The following POFUT4 variants were observed in gnomAD, a reference collection of about 807,000 sequenced individuals.
The protein encoded by POFUT4 is protein O-fucosyltransferase 4.
At chr10:73,772,485 C>A in the POFUT4 span, 1 of 1,549,588 alleles carries the variant, frequency 6.5e-7, no homozygotes, top group Non-Finnish European at 8.7e-7. Context: ...CGGCCGCCCT[C>A]GGCGCTGGGC....
At chr10:73,773,554 GCAT>G in the POFUT4 span, 1 of 1,614,252 alleles carries the variant, frequency 6.2e-7, no homozygotes, top group African/African-American at 1.3e-5. Context: ...CAACCTGGGG[GCAT>G]CACCAACCAA....
At chr10:73,775,742 G>A in the POFUT4 span, 2 of 1,569,324 alleles carry the variant, frequency 1.3e-6, no homozygotes, top group Non-Finnish European at 1.7e-6. Flanking sequence ...TTCTACCATG[G>A]GACATAAGGA....
the POFUT4 span, chr10:73,774,860 G>A: frequency 6.4e-6 from 1 of 155,648 alleles, no homozygotes; most frequent in Non-Finnish European, 1.4e-5. Context: ...ACCTATTGGG[G>A]GAGAGGTGAT....
At chr10:73,772,412 G>A in the POFUT4 span, 1 of 1,571,904 alleles carries the variant, frequency 6.4e-7, no homozygotes, top group Non-Finnish European at 8.6e-7. Flanking sequence ...CCATGGGTCC[G>A]TAGCGGAGAG....
chr10:73,778,715 G>A, the POFUT4 span: 1 of 152,216 alleles, frequency 6.6e-6, no homozygotes, highest in Non-Finnish European at 1.5e-5. Context: ...AAGAAAAGCT[G>A]TAATTAGGCT....
the POFUT4 span, chr10:73,774,423 T>A: frequency 1.3e-5 from 2 of 152,150 alleles, no homozygotes; most frequent in Non-Finnish European, 2.9e-5. Context: ...CTCACACCTG[T>A]AATCCCAGCA....
the POFUT4 span, chr10:73,775,667 G>A: frequency 1.2e-6 from 2 of 1,614,110 alleles, no homozygotes; most frequent in Non-Finnish European, 1.7e-6. Flanking sequence ...AAATCTTCAT[G>A]AAGAGGCAAC....
the POFUT4 span, chr10:73,775,532 A>G: frequency 6.2e-7 from 1 of 1,614,240 alleles, no homozygotes; most frequent in Admixed American, 1.7e-5. Flanking sequence ...CCCCATTTTG[A>G]TATTTCAGTT....
the POFUT4 span, chr10:73,772,945 C>G: frequency 6.2e-7 from 1 of 1,607,548 alleles, no homozygotes; most frequent in East Asian, 2.2e-5. Context: ...CGGAGTGGCG[C>G]CGCCGCGGCT....
the POFUT4 span, chr10:73,779,010 G>A: frequency 1.3e-5 from 2 of 150,322 alleles, no homozygotes; most frequent in African/African-American, 2.5e-5. Flanking sequence ...CATGGTGTGT[G>A]TGCCTTGTAG....
chr10:73,773,705 T>A, the POFUT4 span: 2 of 1,614,244 alleles, frequency 1.2e-6, no homozygotes, highest in Non-Finnish European at 1.7e-6. Flanking sequence ...ACGCGGCCTC[T>A]CCCGGGGACA....
At chr10:73,776,204 A>G in the POFUT4 span, 1 of 152,146 alleles carries the variant, frequency 6.6e-6, no homozygotes, top group Admixed American at 6.5e-5. Context: ...TTTATATTAT[A>G]TACTTTCATG....
the POFUT4 span, chr10:73,772,999 G>C: frequency 6.3e-7 from 1 of 1,590,660 alleles, no homozygotes; most frequent in Non-Finnish European, 8.5e-7. Context: ...ACGTGCCAGC[G>C]GACCGGGACC....
At chr10:73,777,517 C>T in the POFUT4 span, among the ~76,000 whole-genome samples, 2 of 151,690 alleles carry the variant, frequency 1.3e-5, no homozygotes, top group Non-Finnish European at 2.9e-5. Flanking sequence ...ATGAATAGTC[C>T]AGCTTCATTC....
the POFUT4 span, chr10:73,772,988 G>T: frequency 6.9e-5 from 111 of 1,597,340 alleles, no homozygotes; most frequent in Non-Finnish European, 8.9e-5. Flanking sequence ...GTCACACTGC[G>T]ACGTGCCAGC....
the POFUT4 span, chr10:73,773,788 A>G: frequency 6.3e-6 from 10 of 1,587,994 alleles, no homozygotes; most frequent in East Asian, 2.3e-5. Context: ...GGCTTTGGCA[A>G]TGTGGAAGAG....
At chr10:73,773,977 G>A in the POFUT4 span, 6 of 683,526 alleles carry the variant, frequency 8.8e-6, no homozygotes, top group Non-Finnish European at 4.6e-6. Context: ...GATAAGACAA[G>A]CTGAAAAAGC....
chr10:73,772,726 C>T, the POFUT4 span: 5 of 1,592,120 alleles, frequency 3.1e-6, no homozygotes, highest in Middle Eastern at 1.7e-4. Context: ...GCGCGTCGGC[C>T]GCCCCGCTGC....
the POFUT4 span, chr10:73,773,792 G>A: frequency 6.3e-7 from 1 of 1,582,994 alleles, no homozygotes; most frequent in Non-Finnish European, 8.6e-7. Context: ...TTGGCAATGT[G>A]GAAGAGATTC....
Sources: gnomAD v4.1 joint callset for allele counts (sites outside exome capture counted in the v4.1 genomes callset) on GRCh38, gnomAD v4.1.1 for gene constraint, MANE v1.5 for transcripts, NCBI Gene and HGNC (gene_info 2026-07-23, HGNC 2026-07-21) for gene names.